PACSIN2: variants seen among roughly 807,000 people sequenced by gnomAD.
PACSIN2 encodes protein kinase C and casein kinase substrate in neurons protein 2.
A neutral mutation model predicts 63.8 loss-of-function variants in PACSIN2; 25 were observed. The ratio of observed to expected loss-of-function variants is 0.39; its 90% CI spans 0.29 to 0.55. The LOEUF is 0.55. PACSIN2 is among the 20% of genes least tolerant of loss of function. PACSIN2 has a pLI of 0.62. For missense variants in PACSIN2, 518 were observed against 646.9 expected, an observed-to-expected ratio of 0.80 and a Z score of 2.16; for synonymous variants, 255 against 256.2, an observed-to-expected ratio of 1.00 and a Z score of 0.05.
chr22:43,010,398 A>ATATATATATATATATATATTTTTTTT lies in PACSIN2; in HGVS notation c.-78+4622_-78+4623insAAAAAAAATATATATATATATATATA. Among the ~76,000 whole-genome samples the ATATATATATATATATATATTTTTTTT allele has an allele frequency of 8.5e-4, 108 of 126,388 alleles. 1 individual carries two copies. The highest frequency in any genetic ancestry group is 1.6e-3 in the South Asian group (6 of 3,688). The allele number at this position is 126,388 out of a possible 152,430, so 82.9% of individuals were successfully genotyped here. On this transcript the variant is annotated intron_variant, in intron 1 of 10. Coordinates refer to ENST00000263246, the MANE Select transcript of PACSIN2 (RefSeq NM_001184970.3). Reference sequence around the variant, plus strand: ...TGTTTAAAAATACATATATATATATATTTTTTTTTAATTGAAAATAAAAAA... The same window carrying ATATATATATATATATATATTTTTTTT: ...TGTTTAAAAATACATATATATATATATATATATATATATATATATTTTTTTTTTTTTTTTTAATTGAAAATAAAAAA...
intron 7 of PACSIN2, among the ~76,000 whole-genome samples, chr22:42,879,853 C>T (rs1425263083): frequency 1.3e-5 from 2 of 152,182 alleles, no homozygotes; most frequent in African/African-American, 2.4e-5. Flanking sequence ...AGCGCAGGGC[C>T]CTCCCCAGTG....
intron 1 of PACSIN2, among the ~76,000 whole-genome samples, chr22:42,987,069 T>C (rs990255859): frequency 6.6e-6 from 1 of 152,078 alleles, no homozygotes; most frequent in African/African-American, 2.4e-5. Context: ...CCACCCACCC[T>C]TGATGTGTAG....
intron 1 of PACSIN2, among the ~76,000 whole-genome samples, chr22:42,916,495 C>A (rs1931818378): frequency 6.6e-6 from 1 of 152,132 alleles, no homozygotes; most frequent in Non-Finnish European, 1.5e-5. Context: ...TCTCTCCTGC[C>A]CCTGCTCCGG....
intron 1 of PACSIN2, among the ~76,000 whole-genome samples, chr22:42,964,449 T>C (rs1195906108): frequency 6.8e-6 from 1 of 147,814 alleles, no homozygotes; most frequent in East Asian, 2.0e-4. Context: ...ATTCTTAAAG[T>C]GATCATGGGC....
intron 1 of PACSIN2, among the ~76,000 whole-genome samples, chr22:42,927,031 A>T (rs1373393924): frequency 1.3e-5 from 2 of 152,096 alleles, no homozygotes. Flanking sequence ...TGATGATTTT[A>T]AGTCCAAATG....
At chr22:42,972,721 C>G (rs1247689160) in intron 1 of PACSIN2, among the ~76,000 whole-genome samples, 5 of 152,120 alleles carry the variant, frequency 3.3e-5, no homozygotes, top group Admixed American at 1.3e-4. Flanking sequence ...TACTGCCTCA[C>G]TCTAAGAAAA....
chr22:42,905,894 A>T (rs5759021), intron 2 of PACSIN2, among the ~76,000 whole-genome samples: 2 of 152,004 alleles, frequency 1.3e-5, no homozygotes, highest in African/African-American at 4.8e-5. Context: ...CTGCTGGAAC[A>T]CAGCAGGAGA....
intron 2 of PACSIN2, among the ~76,000 whole-genome samples, chr22:42,904,948 AT>A (rs1238629959): frequency 3.3e-5 from 5 of 152,142 alleles, no homozygotes; most frequent in Non-Finnish European, 7.3e-5. Context: ...CCACAGTCTA[AT>A]GAGCACTACG....
chr22:43,010,849 C>G (rs1230967205), intron 1 of PACSIN2, among the ~76,000 whole-genome samples: 1 of 152,190 alleles, frequency 6.6e-6, no homozygotes, highest in Admixed American at 6.5e-5. Flanking sequence ...AAGCACAATT[C>G]AATAGGTAAC....
chr22:42,975,602 A>G (rs922630605), intron 1 of PACSIN2, among the ~76,000 whole-genome samples: 29 of 132,648 alleles, frequency 2.2e-4, no homozygotes, highest in Middle Eastern at 3.6e-3. Flanking sequence ...ATACATGTGT[A>G]TAAGTATTCT....
At chr22:42,966,046 C>T (rs774818249) in intron 1 of PACSIN2, among the ~76,000 whole-genome samples, 2 of 152,248 alleles carry the variant, frequency 1.3e-5, no homozygotes, top group South Asian at 2.1e-4. Flanking sequence ...ACTTGTTAGC[C>T]TTTCATATGT....
intron 1 of PACSIN2, among the ~76,000 whole-genome samples, chr22:42,992,584 T>C (rs1378867319): frequency 6.6e-6 from 1 of 152,182 alleles, no homozygotes; most frequent in Non-Finnish European, 1.5e-5. Context: ...TCTGTCTCCA[T>C]TAAATTTTTG....
rs184565904 is a variant in PACSIN2, at chr22:42,962,715, G to A, written c.-77-50558C>T. Among the ~76,000 whole-genome samples the A allele has an allele frequency of 4.0e-5, 6 of 148,150 alleles. No homozygotes were observed. In the East Asian group the frequency reaches 1.2e-3, roughly 31 times the overall value. The stretch of plus-strand genomic sequence containing the variant: ...GGCAAAGTGCAGCCTGGATGCCTGG[G>A]GTGGGTGGAGGCATTGTGAGTCCTG... On this transcript the variant is annotated intron_variant, in intron 1 of 10. Coordinates refer to ENST00000263246, the MANE Select transcript of PACSIN2 (RefSeq NM_001184970.3).
rs370334558 is a variant in PACSIN2, at chr22:42,990,681, T to A, written c.-78+24340A>T. ...TCAGGAGTGTGGCAAGAGATGAGAC[T>A]CAACGGGTAAGCAGGGGTCAGACCA... is the stretch of plus-strand genomic sequence containing the variant. On this transcript the variant is annotated intron_variant, in intron 1 of 10. Transcript: ENST00000263246. Among the ~76,000 whole-genome samples the A allele has an allele frequency of 2.9e-4, 44 of 152,256 alleles. No homozygotes were observed. In the East Asian group the frequency reaches 6.8e-3, roughly 23 times the overall value.
At chr22:43,001,969 G>A (rs1341278087) in intron 1 of PACSIN2, among the ~76,000 whole-genome samples, 2 of 152,190 alleles carry the variant, frequency 1.3e-5, no homozygotes, top group African/African-American at 4.8e-5. Context: ...CACTCAGTCT[G>A]AGAGTGAATA....
chr22:43,001,973 G>A (rs910566817), intron 1 of PACSIN2, among the ~76,000 whole-genome samples: 1 of 152,196 alleles, frequency 6.6e-6, no homozygotes, highest in Non-Finnish European at 1.5e-5. Flanking sequence ...CAGTCTGAGA[G>A]TGAATACCTA....
intron 1 of PACSIN2, among the ~76,000 whole-genome samples, chr22:42,938,612 T>C (rs147151033): frequency 1.1e-3 from 167 of 152,342 alleles, no homozygotes; most frequent in Non-Finnish European, 2.1e-3. Flanking sequence ...ACAGGCCAAC[T>C]GCATGTTCCG....
chr22:42,952,945 C>T (rs1011653122), intron 1 of PACSIN2, among the ~76,000 whole-genome samples: 17 of 151,966 alleles, frequency 1.1e-4, no homozygotes, highest in African/African-American at 1.5e-4. Flanking sequence ...GGATTACAGG[C>T]GTGAACCACC....
At chr22:42,951,165 G>C (rs1933674015) in intron 1 of PACSIN2, among the ~76,000 whole-genome samples, 1 of 152,118 alleles carries the variant, frequency 6.6e-6, no homozygotes, top group Non-Finnish European at 1.5e-5. Flanking sequence ...CAGCACGTGG[G>C]CACCTTCCCT....
Sources: gnomAD v4.1 joint callset for allele counts (sites outside exome capture counted in the v4.1 genomes callset) on GRCh38, gnomAD v4.1.1 for gene constraint, MANE v1.5 for transcripts, NCBI Gene and HGNC (gene_info 2026-07-23, HGNC 2026-07-21) for gene names.